The following TMTC3 variants were observed in gnomAD, a reference collection of about 807,000 sequenced individuals.
TMTC3 encodes transmembrane O-mannosyltransferase targeting cadherins 3, also known as protein O-mannosyl-transferase TMTC3.
Under a neutral mutation model 92.2 loss-of-function variants are expected in TMTC3, and 52 were observed. That is an observed-to-expected ratio of 0.56 (90% CI 0.45 to 0.71). The LOEUF is 0.71. Among genes scored for constraint, TMTC3 ranks in the 30% least tolerant of loss-of-function variants. TMTC3 has a pLI of 0.00. For synonymous variants in TMTC3, 339 were observed against 363.3 expected (o/e 0.93, Z 0.76); for missense variants, 896 against 1,057.1 (o/e 0.85, Z 2.11).
chr12:88,155,574 T>C (rs1285142440), intron 4 of TMTC3, among the ~76,000 whole-genome samples: 1 of 152,196 alleles, frequency 6.6e-6, no homozygotes, highest in Non-Finnish European at 1.5e-5. Flanking sequence ...CACCCACCTT[T>C]ATACCTGCAT....
chr12:88,198,617 T>C lies in TMTC3; in HGVS notation c.*2968T>C. 1 of 387,884 alleles carries C rather than the reference T, an allele frequency of 2.6e-6. No homozygotes were observed. The highest frequency in any genetic ancestry group is 4.6e-6 in the Non-Finnish European group (1 of 219,420). 24.0% of individuals were successfully genotyped at this position (387,884 alleles called of 1,614,324 possible). On this transcript the variant is annotated 3_prime_UTR_variant, in exon 14 of 14. Transcript: ENST00000266712. ...CTTTTCAATTTTGTGTTTGTTTACT[T>C]TTATGTAAAAATTTGATATGTGAAT...
At position 88,190,383 on chromosome 12, in the gene TMTC3, A is replaced by G. The variant is rs941680699; in HGVS notation, c.1537-70A>G. ...GTTCTGAGTTATTTTGAATTAGCCA[A>G]TAGGAATATGTACTTTTGATTTTTG... On this transcript the variant is annotated intron_variant, in intron 11 of 13. Coordinates refer to ENST00000266712, the MANE Select transcript of TMTC3 (RefSeq NM_181783.4). 5.7e-6 allele frequency: 8 copies of G among 1,397,778 alleles called. No individual in the cohort carries two copies. The African/African-American group carries it at 1.0e-4, about 17-fold the overall frequency. The allele number at this position is 1,397,778 out of a possible 1,614,324, so 86.6% of individuals were successfully genotyped here.
At chr12:88,144,687 T>C (rs2138349382) in intron 1 of TMTC3, among the ~76,000 whole-genome samples, 1 of 152,350 alleles carries the variant, frequency 6.6e-6, no homozygotes, top group South Asian at 2.1e-4. Context: ...CTTTAACTCA[T>C]TCTAACAGTA....
chr12:88,172,781 T>C, intron 8 of TMTC3, 36 bp downstream of exon 8: 1 of 1,567,606 alleles, frequency 6.4e-7, no homozygotes. Context: ...ATGCTTACTA[T>C]GGAATTAAGT....
At position 88,174,704 on chromosome 12, in the gene TMTC3, A is replaced by G; in HGVS notation, c.1297A>G (p.Thr433Ala). 6.2e-7 allele frequency: 1 copy of G among 1,612,518 alleles called. No individual in the cohort carries two copies. Among genetic ancestry groups the G allele is most frequent in the Non-Finnish European group, 8.5e-7 (1 of 1,179,012 alleles). ...HRNWDWESEY[T>A]LFMSALKVNK... ...AAATTGGGATTGGGAGTCTGAATAT[A>G]CATTGTTTATGTCAGCCTTGAAGGT... The change falls in exon 9 of 14, where the codon ACA becomes GCA. Residue 433 changes from threonine (T) to alanine (A), a missense_variant. By Grantham distance (58) the Thr-to-Ala change is moderately conservative. Transcript: ENST00000266712.
intron 4 of TMTC3, among the ~76,000 whole-genome samples, chr12:88,155,792 A>G (rs547222879): frequency 1.3e-5 from 2 of 152,232 alleles, no homozygotes; most frequent in Admixed American, 6.5e-5. Context: ...TTACAATTCT[A>G]ATATCTTGCT....
chr12:88,194,947 C>G lies in TMTC3; in HGVS notation c.2043C>G (p.Asp681Glu). The G allele has an allele frequency of 6.2e-7, 1 of 1,613,546 alleles. No individual in the cohort carries two copies. ...YFNLGMLAMDDKKDNEAEIWM... is the reference protein window; with the variant it reads ...YFNLGMLAMDEKKDNEAEIWM... ...ATTTGGGAATGCTTGCCATGGATGACAAAAAGGACAATGAAGCAGAGATTT... is the reference window on the plus strand; with the variant it reads ...ATTTGGGAATGCTTGCCATGGATGAGAAAAAGGACAATGAAGCAGAGATTT... Residue 681 changes from aspartate (D) to glutamate (E), a missense_variant, in exon 14 of 14, where the codon GAC (aspartate) becomes GAG (glutamate). Physicochemically the swap from Asp to Glu is conservative, Grantham distance 45. Transcript: ENST00000266712.
intron 10 of TMTC3, among the ~76,000 whole-genome samples, chr12:88,186,726 A>G (rs2138432887): frequency 6.6e-6 from 1 of 152,276 alleles, no homozygotes; most frequent in Admixed American, 6.5e-5. Flanking sequence ...ACCCTCTAGA[A>G]TCTTAAAACT....
In TMTC3 at chr12:88,190,610, C is replaced by T. The variant is rs1297662576; in HGVS notation, c.1694C>T (p.Ala565Val). ...AGCATGAGGCCCGACTTCAAGCAGG[C>T]TTACATTAGCAGGTATCCCAGTTCA... ...AISMRPDFKQ[A>V]YISRGELLLK... The change falls in exon 12 of 14, where the codon GCT becomes GTT. Residue 565 changes from alanine (A) to valine (V), a missense_variant. By Grantham distance (64) the Ala-to-Val change is moderately conservative (BLOSUM62 0). Transcript: ENST00000266712. 1 of 1,613,644 alleles carries T rather than the reference C, an allele frequency of 6.2e-7. No individual in the cohort carries two copies. Among genetic ancestry groups the T allele is most frequent in the Non-Finnish European group, 8.5e-7 (1 of 1,179,764 alleles).
intron 7 of TMTC3, among the ~76,000 whole-genome samples, chr12:88,171,201 T>A (rs1038555201): frequency 1.3e-5 from 2 of 152,184 alleles, no homozygotes; most frequent in Admixed American, 6.6e-5. Context: ...AGCTTTTTTT[T>A]AATCAGCATT....
At chr12:88,168,236 T>G (rs922742643) in intron 7 of TMTC3, among the ~76,000 whole-genome samples, 16 of 152,226 alleles carry the variant, frequency 1.1e-4, no homozygotes, top group Admixed American at 5.9e-4. Context: ...TAGAATCTGT[T>G]GGATTGGACT....
intron 13 of TMTC3, among the ~76,000 whole-genome samples, chr12:88,193,670 T>C (rs1368494124): frequency 6.6e-6 from 1 of 152,102 alleles, no homozygotes. Flanking sequence ...AGACAAGAAC[T>C]GAAGCCTCCT....
intron 10 of TMTC3, among the ~76,000 whole-genome samples, chr12:88,181,592 A>G (rs1293610524): frequency 6.6e-6 from 1 of 152,184 alleles, no homozygotes; most frequent in Non-Finnish European, 1.5e-5. Flanking sequence ...GTGTGTTAAA[A>G]ATAGGATATG....
Position 88,198,590 on chromosome 12 carries a change from T to C in TMTC3, c.*2941T>C, listed in dbSNP as rs1479478039. The C allele has an allele frequency of 1.3e-5, 5 of 393,110 alleles. No homozygotes were observed. The highest frequency in any genetic ancestry group is 1.8e-5 in the Non-Finnish European group (4 of 222,766). The allele number at this position is 393,110 out of a possible 1,614,324, so 24.4% of individuals were successfully genotyped here. On this transcript the variant is annotated 3_prime_UTR_variant, in exon 14 of 14. Transcript: ENST00000266712. ...ACTTGGAGAGTAAAATAACGTATTT[T>C]GCTTTTCAATTTTGTGTTTGTTTAC...
Position 88,188,819 on chromosome 12 carries a change from C to T in TMTC3, c.1433-24C>T, listed in dbSNP as rs772128024. The T allele has an allele frequency of 4.7e-6, 6 of 1,274,590 alleles. No homozygotes were observed. The South Asian group carries it at 5.2e-5, about 11-fold the overall frequency. The allele number at this position is 1,274,590 out of a possible 1,614,324, so 79.0% of individuals were successfully genotyped here. ...AATATATCAGTTGTATACTTGCCAA[C>T]AAATGATTGTTTTAAAATTTTAGAT... On this transcript the variant is annotated intron_variant, in intron 10 of 13. Transcript: ENST00000266712.
chr12:88,160,062 A>G lies in TMTC3; in HGVS notation c.509-52A>G, dbSNP rs188439986. The G allele has an allele frequency of 9.5e-5, 114 of 1,204,818 alleles. 1 individual carries two copies. In the Admixed American group the frequency reaches 2.3e-3, roughly 25 times the overall value. The allele number at this position is 1,204,818 out of a possible 1,614,324, so 74.6% of individuals were successfully genotyped here. ...ACAAAGTTTAAAATATCTTTTTTTGATATTATAAAATTGTTTTCTGAATTT... is the reference window on the plus strand; with the variant it reads ...ACAAAGTTTAAAATATCTTTTTTTGGTATTATAAAATTGTTTTCTGAATTT... On this transcript the variant is annotated intron_variant, in intron 4 of 13. Coordinates refer to ENST00000266712, the MANE Select transcript of TMTC3 (RefSeq NM_181783.4).
chr12:88,189,126 C>T (rs371908844), intron 11 of TMTC3, among the ~76,000 whole-genome samples, 180 bp downstream of exon 11: 2 of 148,492 alleles, frequency 1.3e-5, no homozygotes, highest in South Asian at 4.2e-4. Flanking sequence ...CGGAGTCTTG[C>T]TGTATTGCCC....
intron 6 of TMTC3, among the ~76,000 whole-genome samples, chr12:88,161,709 A>G (rs1471333824): frequency 1.3e-5 from 2 of 151,052 alleles, no homozygotes; most frequent in Non-Finnish European, 3.0e-5. Flanking sequence ...TTAGCTATAA[A>G]TCTTTGTTGT....
In TMTC3 at chr12:88,142,382, G is replaced by A. The variant is rs897720142; in HGVS notation, c.-134G>A. The A allele has an allele frequency of 6.6e-6, 1 of 152,520 alleles. No homozygotes were observed. 9.4% of individuals were successfully genotyped at this position (152,520 alleles called of 1,614,324 possible). ...GCAGCGGCTCAGGCGCCTGCAAACTGGTGGCCTGAACGAGGTAGACCATGA... is the reference window on the plus strand; with the variant it reads ...GCAGCGGCTCAGGCGCCTGCAAACTAGTGGCCTGAACGAGGTAGACCATGA... On this transcript the variant is annotated 5_prime_UTR_variant, in exon 1 of 14. Transcript: ENST00000266712.
Sources: allele counts gnomAD v4.1 joint callset (sites outside exome capture counted in the v4.1 genomes callset), GRCh38; gene constraint gnomAD v4.1.1; transcripts MANE v1.5; gene names NCBI Gene and HGNC (gene_info 2026-07-23, HGNC 2026-07-21).